Variants in FAM120A observed in about 807,000 individuals in gnomAD.
The protein encoded by FAM120A is constitutive coactivator of PPAR-gamma-like protein 1.
FAM120A carries 15 observed loss-of-function variants against 109.7 expected under a neutral mutation model. The observed-to-expected ratio is 0.14, with a 90% CI of 0.09 to 0.21. The LOEUF (loss-of-function observed/expected upper bound fraction) is 0.21, where lower values mean the gene tolerates loss of function less well. FAM120A is among the 10% of genes least tolerant of loss of function. The pLI is 1.00. For missense variants in FAM120A, 899 were observed against 1,439.3 expected, an observed-to-expected ratio of 0.62 and a Z score of 6.07; for synonymous variants, 493 against 572.8, an observed-to-expected ratio of 0.86 and a Z score of 1.99.
rs1588844146 is a variant in FAM120A at position 93,498,169 on chromosome 9, C to T, written c.933+570C>T. On this transcript the variant is annotated intron_variant, in intron 4 of 17. Transcript: ENST00000277165. This position sits in a 1 kb window ranked among gnomAD's most constrained non-coding sequence, Gnocchi z 4.4. ...CAGTACTCTGGGAGGCCGAGGCGGG[C>T]GGATCACGAGGTCAGGAGTTTGAGA... is the stretch of plus-strand genomic sequence containing the variant. 6.6e-6 allele frequency among the ~76,000 whole-genome samples: 1 copy of T among 152,090 alleles called. No individual in the cohort carries two copies. The highest frequency in any genetic ancestry group is 2.1e-4 in the South Asian group (1 of 4,826).
At chr9:93,467,749 T>C (rs1858113091) in intron 1 of FAM120A, among the ~76,000 whole-genome samples, 2 of 152,254 alleles carry the variant, frequency 1.3e-5, no homozygotes, top group Non-Finnish European at 2.9e-5. Context: ...AGAGTTGTAC[T>C]GAATTATTGT....
chr9:93,474,498 C>T (rs1858460312), intron 2 of FAM120A, among the ~76,000 whole-genome samples: 1 of 152,098 alleles, frequency 6.6e-6, no homozygotes, highest in Non-Finnish European at 1.5e-5. Context: ...AAGTATTTCA[C>T]CCCCCAATTT....
chr9:93,544,788 A>G (rs1272460218), intron 11 of FAM120A, among the ~76,000 whole-genome samples: 1 of 152,124 alleles, frequency 6.6e-6, no homozygotes, highest in South Asian at 2.1e-4. Flanking sequence ...TTCAGGAGTG[A>G]TGCCCTGCCT....
Position 93,532,146 on chromosome 9 carries a change from C to T in FAM120A, c.1735-9C>T, listed in dbSNP as rs767209981. 2.5e-6 allele frequency: 4 copies of T among 1,612,050 alleles called. No homozygotes were observed. Among genetic ancestry groups the T allele is most frequent in the Non-Finnish European group, 3.4e-6 (4 of 1,178,688 alleles). ...TGTGCAATGTTATTCTGCTTTCTTC[C>T]ATGCAAAGGGTGAAATCAAAATTGC... is the stretch of plus-strand genomic sequence containing the variant. On this transcript the variant is annotated splice_polypyrimidine_tract_variant and intron_variant, in intron 9 of 17. Coordinates refer to ENST00000277165, the MANE Select transcript of FAM120A (RefSeq NM_014612.5). The surrounding 1 kb of genome is among the most constrained non-coding windows in gnomAD (Gnocchi z 4.3).
rs1862282561 is a variant in FAM120A, at chr9:93,556,366, T to C, written c.2275-16T>C. 5.0e-6 allele frequency: 8 copies of C among 1,602,206 alleles called. No individual in the cohort carries two copies. The highest frequency in any genetic ancestry group is 1.3e-5 in the African/African-American group (1 of 74,790). ...AGTACTCTTATTCCATAGAAATTAC[T>C]CTTTTCAATTTAAAGATTGAGAACC... On this transcript the variant is annotated splice_polypyrimidine_tract_variant and intron_variant, in intron 12 of 17. Transcript: ENST00000277165.
chr9:93,495,084 C>A (rs1189503987), intron 3 of FAM120A, among the ~76,000 whole-genome samples: 1 of 152,184 alleles, frequency 6.6e-6, no homozygotes, highest in Non-Finnish European at 1.5e-5. Context: ...ACAGGGGGGC[C>A]AGCAGCAGCT....
At chr9:93,551,769 G>T (rs1377118380) in intron 12 of FAM120A, among the ~76,000 whole-genome samples, 5 of 152,100 alleles carry the variant, frequency 3.3e-5, no homozygotes, top group African/African-American at 9.7e-5. Context: ...GCTCACCTGA[G>T]ACTTCTTGTG....
In FAM120A at chr9:93,467,253, C is replaced by T. The variant is rs890500510; in HGVS notation, c.475-3888C>T. Among the ~76,000 whole-genome samples, 6 of 109,476 alleles carry T rather than the reference C, an allele frequency of 5.5e-5. 2 individuals are homozygous for T. Among genetic ancestry groups the T allele is most frequent in the African/African-American group, 1.9e-4 (6 of 31,504 alleles). 71.8% of individuals were successfully genotyped at this position (109,476 alleles called of 152,430 possible). The stretch of plus-strand genomic sequence containing the variant: ...TTTGCCAGATCTGCTGTCACCCCCC[C>T]CCCCCTTTTCCCCCATTGAATAACT... On this transcript the variant is annotated intron_variant, in intron 1 of 17. Transcript: ENST00000277165.
rs1398976798 is a variant in FAM120A, at chr9:93,532,966, T to C, written c.1909+637T>C. On this transcript the variant is annotated intron_variant, in intron 10 of 17. Coordinates refer to ENST00000277165, the MANE Select transcript of FAM120A (RefSeq NM_014612.5). The surrounding 1 kb of genome is among the most constrained non-coding windows in gnomAD (Gnocchi z 4.3). Reference sequence around the variant, plus strand: ...TTGGTCAAAGATGAGGTCAAAGCATTTTTCTTTATCTTCTAGTGGGCCTGT... The same window carrying C: ...TTGGTCAAAGATGAGGTCAAAGCATCTTTCTTTATCTTCTAGTGGGCCTGT... 1.3e-5 allele frequency among the ~76,000 whole-genome samples: 2 copies of C among 152,206 alleles called. No individual in the cohort carries two copies. Among genetic ancestry groups the C allele is most frequent in the Non-Finnish European group, 1.5e-5 (1 of 68,038 alleles).
chr9:93,492,254 T>C (rs992116587), intron 3 of FAM120A, among the ~76,000 whole-genome samples: 4 of 152,200 alleles, frequency 2.6e-5, no homozygotes, highest in African/African-American at 9.7e-5. Context: ...ACATATATGC[T>C]TTTATCATGT....
At chr9:93,523,370 AG>A (rs1160141383) in intron 7 of FAM120A, 6 of 1,272,330 alleles carry the variant, frequency 4.7e-6, no homozygotes, top group East Asian at 1.1e-4. Context: ...ATGGGTAGGT[AG>A]GCCTGGGGCT....
intron 12 of FAM120A, among the ~76,000 whole-genome samples, chr9:93,554,167 A>ACG: frequency 6.9e-6 from 1 of 144,098 alleles, no homozygotes; most frequent in Non-Finnish European, 1.5e-5. Context: ...ACACACACAC[A>ACG]CACACACACA....
chr9:93,512,608 C>T (rs762658564), intron 5 of FAM120A, among the ~76,000 whole-genome samples: 14 of 151,898 alleles, frequency 9.2e-5, no homozygotes, highest in Non-Finnish European at 1.3e-4. Context: ...GGTGGTGTGA[C>T]CTCTACTCTG....
intron 1 of FAM120A, among the ~76,000 whole-genome samples, chr9:93,469,457 T>TA (rs1181775111): frequency 1.3e-5 from 2 of 152,180 alleles, no homozygotes; most frequent in Non-Finnish European, 2.9e-5. Context: ...ACTTAACTAT[T>TA]AAAGATGTCT....
In FAM120A at chr9:93,532,292, G is replaced by C. The variant is rs1474525307; in HGVS notation, c.1872G>C (p.Glu624Asp). ...FSLAESRKKT[E>D]RLAFRKNRLP... The stretch of plus-strand genomic sequence containing the variant: ...TGGCAGAAAGCAGAAAGAAAACTGA[G>C]AGACTTGCTTTTAGAAAGAACAGAC... Residue 624 changes from glutamate to aspartate, a missense_variant, in exon 10 of 18, where the codon GAG (glutamate) becomes GAC (aspartate). Transcript: ENST00000277165. This position sits in a 1 kb window ranked among gnomAD's most constrained non-coding sequence, Gnocchi z 4.3. 6.2e-7 allele frequency: 1 copy of C among 1,614,250 alleles called. No individual in the cohort carries two copies. The highest frequency in any genetic ancestry group is 1.1e-5 in the South Asian group (1 of 91,084).
chr9:93,463,345 A>C (rs1857877330), intron 1 of FAM120A, among the ~76,000 whole-genome samples: 1 of 152,142 alleles, frequency 6.6e-6, no homozygotes, highest in South Asian at 2.1e-4. Context: ...TTTTAAGATC[A>C]CTGTACCCAA....
chr9:93,554,647 T>C (rs1299720800), intron 12 of FAM120A, among the ~76,000 whole-genome samples: 1 of 151,994 alleles, frequency 6.6e-6, no homozygotes, highest in Admixed American at 6.6e-5. Context: ...CACTCCAGCG[T>C]GGATGACAGA....
intron 1 of FAM120A, among the ~76,000 whole-genome samples, chr9:93,467,903 C>T (rs543713240): frequency 6.6e-5 from 10 of 151,142 alleles, no homozygotes; most frequent in South Asian, 2.1e-4. Flanking sequence ...TTTTTTGAGA[C>T]GGAGTTTCGC....
In FAM120A at chr9:93,500,578, C is replaced by A. The variant is rs1031838121; in HGVS notation, c.1030+1692C>A. Among the ~76,000 whole-genome samples, 1 of 152,230 alleles carries A rather than the reference C, an allele frequency of 6.6e-6. No individual in the cohort carries two copies. The highest frequency in any genetic ancestry group is 2.4e-5 in the African/African-American group (1 of 41,450). On this transcript the variant is annotated intron_variant, in intron 5 of 17. Coordinates refer to ENST00000277165, the MANE Select transcript of FAM120A (RefSeq NM_014612.5). This position sits in a 1 kb window ranked among gnomAD's most constrained non-coding sequence, Gnocchi z 4.6. ...AATGAGGGCCTATTAGTCACCTTTA[C>A]TTTTATATCCCCAGTGGATAAATAT...
Sources: gnomAD v4.1 joint callset for allele counts (sites outside exome capture counted in the v4.1 genomes callset) on GRCh38, gnomAD v4.1.1 for gene constraint, Gnocchi (gnomAD v3.1) non-coding constraint, MANE v1.5 for transcripts, NCBI Gene and HGNC (gene_info 2026-07-23, HGNC 2026-07-21) for gene names.